MYO16: variants seen among roughly 807,000 people sequenced by gnomAD.
MYO16 encodes unconventional myosin-XVI.
In MYO16, 94 loss-of-function variants were observed where a neutral mutation model predicts 205.3. That is an observed-to-expected ratio of 0.46 (90% CI 0.39 to 0.54). The LOEUF is 0.54. Among genes scored for constraint, MYO16 ranks in the 20% least tolerant of loss-of-function variants. MYO16 has a pLI of 0.00. For synonymous variants in MYO16, 988 were observed against 954.0 expected (o/e 1.04, Z -0.66); for missense variants, 2,315 against 2,387.5 (o/e 0.97, Z 0.63).
intron 2 of MYO16, among the ~76,000 whole-genome samples, chr13:108,711,552 A>G (rs923917347): frequency 6.6e-6 from 1 of 152,224 alleles, no homozygotes; most frequent in Non-Finnish European, 1.5e-5. Context: ...CACTGCACCC[A>G]CCGTCAAAGA....
rs1198736176 is a variant in MYO16 at position 108,637,539 on chromosome 13, A to G, written c.28+7667A>G. 2.0e-5 allele frequency among the ~76,000 whole-genome samples: 3 copies of G among 152,210 alleles called. No individual in the cohort carries two copies. The East Asian group carries it at 5.8e-4, about 29-fold the overall frequency. ...ATTATTCATGACTTCAAGAAATATT[A>G]TTTAACTCCTGGTCCTTTTCAAGGA... is the stretch of plus-strand genomic sequence containing the variant. On this transcript the variant is annotated intron_variant, in intron 1 of 34. Coordinates refer to ENST00000457511, the MANE Select transcript of MYO16 (RefSeq NM_001198950.3).
At chr13:108,553,446 G>C in the MYO16 span, among the ~76,000 whole-genome samples, 1 of 152,056 alleles carries the variant, frequency 6.6e-6, no homozygotes, top group Non-Finnish European at 1.5e-5. Context: ...AAACTTCCTT[G>C]ACCCTACCAG....
At chr13:108,519,370 C>T in the MYO16 span, among the ~76,000 whole-genome samples, 6 of 152,056 alleles carry the variant, frequency 3.9e-5, no homozygotes, top group Admixed American at 1.3e-4. Context: ...TCAAAGTTCC[C>T]TTTTCTCTCT....
intron 9 of MYO16, among the ~76,000 whole-genome samples, chr13:108,834,934 ATTG>A (rs1876822790): frequency 6.6e-6 from 1 of 151,872 alleles, no homozygotes; most frequent in South Asian, 2.1e-4. Flanking sequence ...AAAATGTTTT[ATTG>A]TTAAAGAAAG....
chr13:108,664,932 C>G (rs1387320058), intron 1 of MYO16, among the ~76,000 whole-genome samples: 1 of 152,152 alleles, frequency 6.6e-6, no homozygotes, highest in Non-Finnish European at 1.5e-5. Flanking sequence ...ACCGTAGCAG[C>G]CAAAATTCTC....
chr13:108,504,024 C>A, the MYO16 span, among the ~76,000 whole-genome samples: 56 of 152,090 alleles, frequency 3.7e-4, no homozygotes, highest in Admixed American at 2.2e-3. Context: ...AAAAACACAA[C>A]AAAATGTATC....
intron 22 of MYO16, among the ~76,000 whole-genome samples, chr13:109,009,959 C>T (rs368778496): frequency 7.2e-5 from 11 of 152,114 alleles, no homozygotes; most frequent in South Asian, 2.1e-4. Context: ...GTATACGGGA[C>T]GCCTCAGGCA....
At chr13:109,040,385 C>CAGAGAG (rs146955371) in intron 23 of MYO16, among the ~76,000 whole-genome samples, 61 of 113,276 alleles carry the variant, frequency 5.4e-4, no homozygotes, top group Admixed American at 2.0e-3. Context: ...CACACACACA[C>CAGAGAG]AGAGAGAGAG....
chr13:108,529,385 G>A, the MYO16 span, among the ~76,000 whole-genome samples: 168 of 152,088 alleles, frequency 1.1e-3, no homozygotes, highest in African/African-American at 3.8e-3. Flanking sequence ...TGGATACCAT[G>A]TATTCATACT....
chr13:108,532,147 C>T, the MYO16 span, among the ~76,000 whole-genome samples: 19 of 151,652 alleles, frequency 1.3e-4, no homozygotes, highest in South Asian at 6.3e-4. Context: ...CAGAGGTTGC[C>T]GTGAGCCGAG....
chr13:108,905,092 G>A (rs1443738147), intron 15 of MYO16, among the ~76,000 whole-genome samples: 1 of 151,940 alleles, frequency 6.6e-6, no homozygotes, highest in African/African-American at 2.4e-5. Context: ...CCTGTTTTCT[G>A]GGAGCAACAA....
At chr13:108,834,199 C>A (rs1487499914) in intron 9 of MYO16, among the ~76,000 whole-genome samples, 1 of 152,062 alleles carries the variant, frequency 6.6e-6, no homozygotes, top group Non-Finnish European at 1.5e-5. Flanking sequence ...TTTCTAAGTG[C>A]TGGGGTGAGC....
At chr13:108,877,132 A>C (rs1162582222) in intron 12 of MYO16, among the ~76,000 whole-genome samples, 2 of 152,178 alleles carry the variant, frequency 1.3e-5, no homozygotes, top group African/African-American at 4.8e-5. Flanking sequence ...ATAGACTTTT[A>C]ACTTATTTCT....
At chr13:108,746,063 G>A (rs1018570702) in intron 4 of MYO16, among the ~76,000 whole-genome samples, 28 of 151,854 alleles carry the variant, frequency 1.8e-4, no homozygotes, top group African/African-American at 6.5e-4. Context: ...AGTGGTGGCA[G>A]GCGCCTGTAG....
intron 9 of MYO16, among the ~76,000 whole-genome samples, chr13:108,826,934 G>A (rs1024648467): frequency 2.6e-5 from 4 of 152,152 alleles, no homozygotes; most frequent in Non-Finnish European, 4.4e-5. Context: ...TGGTGGTAGT[G>A]GGAATGTCAA....
intron 32 of MYO16, among the ~76,000 whole-genome samples, chr13:109,154,974 G>C (rs980115125): frequency 2.2e-5 from 3 of 138,166 alleles, no homozygotes; most frequent in African/African-American, 7.9e-5. Context: ...GGATTGAAGT[G>C]ATTTTTTCCC....
intron 15 of MYO16, among the ~76,000 whole-genome samples, chr13:108,906,905 G>C (rs1881005506): frequency 6.6e-6 from 1 of 152,174 alleles, no homozygotes; most frequent in Non-Finnish European, 1.5e-5. Context: ...TTTCACTTAG[G>C]TTATACCACC....
chr13:108,783,429 A>G (rs1886366249), intron 4 of MYO16, among the ~76,000 whole-genome samples: 1 of 152,200 alleles, frequency 6.6e-6, no homozygotes, highest in Admixed American at 6.5e-5. Flanking sequence ...TTGATTTTAC[A>G]GGCTCATAGG....
chr13:109,023,301 T>C (rs1404002477), intron 23 of MYO16, among the ~76,000 whole-genome samples: 1 of 79,918 alleles, frequency 1.3e-5, no homozygotes, highest in Non-Finnish European at 2.2e-5. Context: ...TATACAGATA[T>C]AAATATATAT....
Sources: gnomAD v4.1 joint callset for allele counts (sites outside exome capture counted in the v4.1 genomes callset) on GRCh38, gnomAD v4.1.1 for gene constraint, MANE v1.5 for transcripts, NCBI Gene and HGNC (gene_info 2026-07-23, HGNC 2026-07-21) for gene names.